The following ANKRD44 variants were observed in gnomAD, a reference collection of about 807,000 sequenced individuals.
ANKRD44 encodes the protein ankyrin repeat domain 44, also known as serine/threonine-protein phosphatase 6 regulatory ankyrin repeat subunit B.
Under a neutral mutation model 116.0 loss-of-function variants are expected in ANKRD44, and 35 were observed. The ratio of observed to expected loss-of-function variants is 0.30; its 90% CI spans 0.23 to 0.40. The LOEUF (loss-of-function observed/expected upper bound fraction) is 0.40, where lower values mean the gene tolerates loss of function less well. ANKRD44 is among the 10% of genes least tolerant of loss of function. The pLI, the probability that ANKRD44 is intolerant of heterozygous loss-of-function variation, is 1.00. For missense variants in ANKRD44, 1,014 were observed against 1,242.6 expected, an observed-to-expected ratio of 0.82 and a Z score of 2.77; for synonymous variants, 435 against 461.8, an observed-to-expected ratio of 0.94 and a Z score of 0.74.
intron 1 of ANKRD44, among the ~76,000 whole-genome samples, chr2:197,308,174 A>C (rs555936825): frequency 0.013 from 1,855 of 144,792 alleles, 19 homozygotes; most frequent in African/African-American, 0.028. Context: ...CACACACACA[A>C]AAAAAAAAAA....
At chr2:197,120,403 A>G (rs1383625894) in intron 8 of ANKRD44, among the ~76,000 whole-genome samples, 1 of 152,176 alleles carries the variant, frequency 6.6e-6, no homozygotes, top group Non-Finnish European at 1.5e-5. Context: ...TAATCCCAGC[A>G]CTTTGGGAGG....
intron 3 of ANKRD44, among the ~76,000 whole-genome samples, chr2:197,146,505 A>G (rs1450835091): frequency 6.6e-6 from 1 of 152,126 alleles, no homozygotes; most frequent in Non-Finnish European, 1.5e-5. Flanking sequence ...CAGTGTGCAT[A>G]TATAATAGCA....
intron 1 of ANKRD44, among the ~76,000 whole-genome samples, chr2:197,297,762 A>C (rs1016058192): frequency 1.3e-5 from 2 of 152,238 alleles, no homozygotes; most frequent in African/African-American, 4.8e-5. Context: ...AGTACCCTGA[A>C]ACCTTGATAG....
At position 197,081,642 on chromosome 2, in the gene ANKRD44, TAC is replaced by T. The variant is rs1403885105; in HGVS notation, c.1538+1_1538+2del. On this transcript the variant is annotated splice_donor_variant, in intron 15 of 27. Transcript: ENST00000282272. LOFTEE classifies it high-confidence loss of function. ...CTTGTTCTTAAGCTGAGAAGAAACT[TAC>T]AGTGTGGCTTCCTTTTCCTTCAGCT... is the stretch of plus-strand genomic sequence containing the variant. 1 of 1,613,030 alleles carries T rather than the reference TAC, an allele frequency of 6.2e-7. No individual in the cohort carries two copies. Among genetic ancestry groups the T allele is most frequent in the Non-Finnish European group, 8.5e-7 (1 of 1,179,256 alleles).
At chr2:197,160,649 C>A (rs2079937865) in intron 2 of ANKRD44, among the ~76,000 whole-genome samples, 1 of 152,128 alleles carries the variant, frequency 6.6e-6, no homozygotes. Flanking sequence ...CTGGTAGAAT[C>A]CCCTAAAACA....
chr2:197,235,299 G>T (rs1348684996), intron 1 of ANKRD44, among the ~76,000 whole-genome samples: 1 of 152,124 alleles, frequency 6.6e-6, no homozygotes, highest in African/African-American at 2.4e-5. Flanking sequence ...ATTATCTACT[G>T]TGTGCTGAGA....
At chr2:197,029,226 G>A (rs960872524) in intron 16 of ANKRD44, 11 of 188,306 alleles carry the variant, frequency 5.8e-5, no homozygotes, top group South Asian at 1.0e-4. Context: ...GGGAACATGC[G>A]GCATTTGGTT....
At chr2:197,054,281 T>C (rs974032765) in intron 16 of ANKRD44, among the ~76,000 whole-genome samples, 6 of 152,170 alleles carry the variant, frequency 3.9e-5, no homozygotes, top group African/African-American at 1.2e-4. Context: ...AAATTTATGA[T>C]CAACAAAGAA....
At chr2:197,211,975 G>T (rs2081334694) in intron 1 of ANKRD44, among the ~76,000 whole-genome samples, 1 of 151,992 alleles carries the variant, frequency 6.6e-6, no homozygotes, top group Non-Finnish European at 1.5e-5. Flanking sequence ...GTGATGAAGG[G>T]CTAGTAATCA....
At chr2:197,167,779 G>C (rs1233840071) in intron 2 of ANKRD44, among the ~76,000 whole-genome samples, 1 of 152,222 alleles carries the variant, frequency 6.6e-6, no homozygotes, top group African/African-American at 2.4e-5. Context: ...CTGCATGACT[G>C]TCTTCCAGCC....
chr2:197,033,356 T>C (rs1289447210), intron 16 of ANKRD44, among the ~76,000 whole-genome samples: 1 of 152,120 alleles, frequency 6.6e-6, no homozygotes, highest in Non-Finnish European at 1.5e-5. Context: ...GTGGTGGTGA[T>C]AAATAATGAT....
At chr2:197,106,714 C>T (rs547178904) in intron 9 of ANKRD44, among the ~76,000 whole-genome samples, 10 of 151,370 alleles carry the variant, frequency 6.6e-5, no homozygotes, top group Non-Finnish European at 1.3e-4. Flanking sequence ...GGAGTGAACC[C>T]GGGAGGCAAA....
At chr2:197,056,872 TATCTTAAC>T (rs1307938578) in intron 16 of ANKRD44, among the ~76,000 whole-genome samples, 2 of 152,244 alleles carry the variant, frequency 1.3e-5, no homozygotes, top group Non-Finnish European at 2.9e-5. Context: ...ACCTACCACC[TATCTTAAC>T]ATCTGTAACT....
intron 15 of ANKRD44, among the ~76,000 whole-genome samples, chr2:197,080,025 C>A (rs2077758159): frequency 6.6e-6 from 1 of 152,092 alleles, no homozygotes; most frequent in Non-Finnish European, 1.5e-5. Flanking sequence ...GAAGGAAGTT[C>A]TTTTTTATTT....
At chr2:197,090,379 C>T (rs1456979691) in intron 10 of ANKRD44, among the ~76,000 whole-genome samples, 1 of 152,084 alleles carries the variant, frequency 6.6e-6, no homozygotes, top group East Asian at 1.9e-4. Context: ...TCTCATTCAT[C>T]TATTCAACAC....
chr2:197,124,734 T>C (rs573055704), intron 6 of ANKRD44, among the ~76,000 whole-genome samples: 2 of 152,310 alleles, frequency 1.3e-5, no homozygotes, highest in South Asian at 2.1e-4. Flanking sequence ...GGGAATATCT[T>C]AGTTCTTCAT....
At chr2:197,234,964 A>G (rs563093288) in intron 1 of ANKRD44, among the ~76,000 whole-genome samples, 1 of 152,216 alleles carries the variant, frequency 6.6e-6, no homozygotes, top group Non-Finnish European at 1.5e-5. Context: ...CTCAATGCTA[A>G]GTCTTTCAAA....
chr2:197,276,432 T>C (rs2083086647), intron 1 of ANKRD44, among the ~76,000 whole-genome samples: 1 of 152,090 alleles, frequency 6.6e-6, no homozygotes, highest in South Asian at 2.1e-4. Flanking sequence ...AGTTGTCATA[T>C]TCTTAGTGAT....
At chr2:197,119,086 A>T (rs2078791661) in intron 8 of ANKRD44, among the ~76,000 whole-genome samples, 1 of 152,098 alleles carries the variant, frequency 6.6e-6, no homozygotes, top group South Asian at 2.1e-4. Context: ...CTTATCATGT[A>T]TATTGAAGAA....
Sources: allele counts gnomAD v4.1 joint callset (sites outside exome capture counted in the v4.1 genomes callset), GRCh38; gene constraint gnomAD v4.1.1; transcripts MANE v1.5; gene names NCBI Gene and HGNC (gene_info 2026-07-23, HGNC 2026-07-21).